The following LOC128125817 variants were observed in gnomAD, a reference collection of about 807,000 sequenced individuals.
the LOC128125817 span, among the ~76,000 whole-genome samples, chr1:41,608,421 G>C: frequency 6.6e-6 from 1 of 152,222 alleles, no homozygotes; most frequent in Non-Finnish European, 1.5e-5. Context: ...TGCTGTCTCA[G>C]ACTTTCCTTA....
At chr1:41,605,367 G>GCACACACA in the LOC128125817 span, among the ~76,000 whole-genome samples, 21 of 111,782 alleles carry the variant, frequency 1.9e-4, no homozygotes, top group African/African-American at 3.6e-4. Context: ...ATACACACAC[G>GCACACACA]CACACGCGCA....
chr1:41,613,107 G>A, the LOC128125817 span, among the ~76,000 whole-genome samples: 7 of 152,352 alleles, frequency 4.6e-5, no homozygotes, highest in African/African-American at 1.4e-4. Context: ...GGAGTCAGCC[G>A]CTAGGGGCTC....
At chr1:41,587,998 A>G in the LOC128125817 span, among the ~76,000 whole-genome samples, 1 of 152,172 alleles carries the variant, frequency 6.6e-6, no homozygotes, top group East Asian at 1.9e-4. Context: ...TGTCCTAACC[A>G]CACTGCAGCT....
chr1:41,593,330 T>A, the LOC128125817 span, among the ~76,000 whole-genome samples: 1 of 152,358 alleles, frequency 6.6e-6, no homozygotes, highest in South Asian at 2.1e-4. Flanking sequence ...TTTCTTTTTT[T>A]AAATCTATGT....
At chr1:41,590,592 TGA>T in the LOC128125817 span, among the ~76,000 whole-genome samples, 1 of 152,224 alleles carries the variant, frequency 6.6e-6, no homozygotes, top group Non-Finnish European at 1.5e-5. Flanking sequence ...CACCTGCCCC[TGA>T]GAGAGACATA....
the LOC128125817 span, chr1:41,628,750 T>G: frequency 8.1e-7 from 1 of 1,232,174 alleles, no homozygotes; most frequent in South Asian, 4.1e-5. Flanking sequence ...ATTTCCTACC[T>G]GTGCTGAAGG....
chr1:41,586,552 C>T, the LOC128125817 span, among the ~76,000 whole-genome samples: 1 of 144,778 alleles, frequency 6.9e-6, no homozygotes, highest in Non-Finnish European at 1.6e-5. Flanking sequence ...GTGAGCATGC[C>T]CTACCCCCGG....
chr1:41,617,544 C>T, the LOC128125817 span, among the ~76,000 whole-genome samples: 1 of 152,228 alleles, frequency 6.6e-6, no homozygotes, highest in East Asian at 1.9e-4. Flanking sequence ...GAGGGCTGGT[C>T]CAGATACCTC....
chr1:41,609,725 T>G, the LOC128125817 span, among the ~76,000 whole-genome samples: 1 of 152,248 alleles, frequency 6.6e-6, no homozygotes, highest in Admixed American at 6.5e-5. Context: ...AGCTGGAGAA[T>G]TCTCAGAACA....
the LOC128125817 span, chr1:41,628,748 C>T: frequency 1.5e-5 from 18 of 1,232,108 alleles, no homozygotes; most frequent in Non-Finnish European, 1.8e-5. Context: ...CCATTTCCTA[C>T]CTGTGCTGAA....
chr1:41,617,700 A>G, the LOC128125817 span, among the ~76,000 whole-genome samples: 8 of 152,272 alleles, frequency 5.3e-5, no homozygotes, highest in African/African-American at 1.9e-4. Context: ...CCAAGTAGGT[A>G]GGATTCAGAC....
chr1:41,593,114 G>A, the LOC128125817 span, among the ~76,000 whole-genome samples: 2 of 152,126 alleles, frequency 1.3e-5, no homozygotes, highest in East Asian at 1.9e-4. Context: ...AGAAATGCTG[G>A]GGAACTTTCT....
the LOC128125817 span, among the ~76,000 whole-genome samples, chr1:41,624,023 T>C: frequency 7.9e-5 from 12 of 152,226 alleles, no homozygotes; most frequent in African/African-American, 2.7e-4. Context: ...CCCCAGGAGC[T>C]GAGTTTGCTC....
At chr1:41,597,512 A>G in the LOC128125817 span, among the ~76,000 whole-genome samples, 2 of 152,202 alleles carry the variant, frequency 1.3e-5, no homozygotes, top group South Asian at 4.1e-4. Context: ...ATTCCTCACA[A>G]TGACCCTTCA....
the LOC128125817 span, among the ~76,000 whole-genome samples, chr1:41,590,375 C>T: frequency 6.6e-6 from 1 of 152,242 alleles, no homozygotes; most frequent in Non-Finnish European, 1.5e-5. Flanking sequence ...GCTGCCTTTC[C>T]CAGCCTCTCT....
At chr1:41,624,894 G>A in the LOC128125817 span, among the ~76,000 whole-genome samples, 19 of 152,114 alleles carry the variant, frequency 1.2e-4, no homozygotes, top group African/African-American at 2.2e-4. Flanking sequence ...GGCCAGGCGC[G>A]GTGGCTCACG....
the LOC128125817 span, among the ~76,000 whole-genome samples, chr1:41,604,720 T>C: frequency 6.6e-6 from 1 of 152,314 alleles, no homozygotes; most frequent in African/African-American, 2.4e-5. Context: ...TACCCAGCTT[T>C]AGTATTCTGT....
the LOC128125817 span, among the ~76,000 whole-genome samples, chr1:41,608,734 CT>C: frequency 6.6e-6 from 1 of 152,208 alleles, no homozygotes; most frequent in Non-Finnish European, 1.5e-5. Flanking sequence ...CCACGGATGA[CT>C]TCCTATCTTG....
chr1:41,611,734 A>G, the LOC128125817 span, among the ~76,000 whole-genome samples: 2 of 152,172 alleles, frequency 1.3e-5, no homozygotes, highest in East Asian at 3.9e-4. Context: ...GCTTTCTCCC[A>G]CTGTCCTGGG....
Sources: allele counts gnomAD v4.1 joint callset (sites outside exome capture counted in the v4.1 genomes callset), GRCh38; gene constraint gnomAD v4.1.1; transcripts MANE v1.5.